FHIT: variants seen among roughly 807,000 people sequenced by gnomAD.
The protein encoded by FHIT is bis(5'-adenosyl)-triphosphatase.
A neutral mutation model predicts 17.9 loss-of-function variants in FHIT; 19 were observed. The ratio of observed to expected loss-of-function variants is 1.06; its 90% confidence interval spans 0.74 to 1.56. The LOEUF is 1.56. Ranked by LOEUF, FHIT falls within the 40% of genes most tolerant of loss-of-function variation. The pLI is 0.00. For synonymous variants in FHIT, 81 were observed against 69.7 expected, an observed-to-expected ratio of 1.16 and a Z score of -0.81; for missense variants, 248 against 189.2, an observed-to-expected ratio of 1.31 and a Z score of -1.82.
intron 8 of FHIT, among the ~76,000 whole-genome samples, chr3:59,807,615 TTCC>T (rs1361808309): frequency 6.6e-6 from 1 of 152,148 alleles, no homozygotes; most frequent in African/African-American, 2.4e-5. Context: ...GCTGTCCATA[TTCC>T]TCGGCAGCAG....
At chr3:61,141,866 T>C (rs1012582824) in intron 2 of FHIT, among the ~76,000 whole-genome samples, 2 of 151,606 alleles carry the variant, frequency 1.3e-5, no homozygotes. Context: ...TACTCAGGGC[T>C]TCTTTCTTTG....
At chr3:60,486,700 T>A (rs982702999) in intron 5 of FHIT, among the ~76,000 whole-genome samples, 2 of 152,194 alleles carry the variant, frequency 1.3e-5, no homozygotes, top group Non-Finnish European at 2.9e-5. Flanking sequence ...GTACTTTTGA[T>A]GAACAAAGCC....
At chr3:60,976,434 G>T (rs1427240018) in intron 3 of FHIT, among the ~76,000 whole-genome samples, 3 of 151,852 alleles carry the variant, frequency 2.0e-5, no homozygotes, top group Non-Finnish European at 4.4e-5. Context: ...ACAACCCAAT[G>T]CAAGCTCACC....
intron 5 of FHIT, among the ~76,000 whole-genome samples, chr3:60,467,126 C>T (rs962035694): frequency 6.6e-6 from 1 of 151,896 alleles, no homozygotes; most frequent in African/African-American, 2.4e-5. Context: ...ATATCCATTT[C>T]TTCTAGGTTT....
At chr3:60,729,042 T>A (rs1471163346) in intron 4 of FHIT, among the ~76,000 whole-genome samples, 8 of 152,102 alleles carry the variant, frequency 5.3e-5, no homozygotes, top group African/African-American at 1.9e-4. Flanking sequence ...AATTCACATA[T>A]GCCAAAAAAG....
At chr3:60,655,467 T>C (rs377017271) in intron 4 of FHIT, among the ~76,000 whole-genome samples, 4 of 152,122 alleles carry the variant, frequency 2.6e-5, no homozygotes, top group African/African-American at 9.7e-5. Context: ...AAAGTATAAC[T>C]GGATTTATTT....
chr3:60,873,139 G>C lies in FHIT; in HGVS notation c.-110-51128C>G, dbSNP rs1315545968. 2.6e-4 allele frequency among the ~76,000 whole-genome samples: 22 copies of C among 83,594 alleles called. No individual in the cohort carries two copies. The East Asian group carries it at 4.8e-3, about 18-fold the overall frequency. The allele number at this position is 83,594 out of a possible 152,430, so 54.8% of individuals were successfully genotyped here. A position where few individuals can be genotyped will look rare whatever the true frequency, so the allele number is the denominator to read the frequency against. On this transcript the variant is annotated intron_variant, in intron 3 of 9. Transcript: ENST00000492590. ...AACAAGGCAGGGAGAGAGGGAGAGG[G>C]AGAGAGAGAGAGAGAGAGAGAGTGA...
chr3:60,257,311 A>T (rs1380411135), intron 5 of FHIT, among the ~76,000 whole-genome samples: 1 of 152,216 alleles, frequency 6.6e-6, no homozygotes, highest in Admixed American at 6.5e-5. Context: ...ACCAGTTGCC[A>T]AATGAATTAA....
intron 8 of FHIT, among the ~76,000 whole-genome samples, chr3:59,893,095 C>A (rs895309169): frequency 6.6e-6 from 1 of 152,214 alleles, no homozygotes; most frequent in Non-Finnish European, 1.5e-5. Flanking sequence ...ATATTATTAT[C>A]TTTATGCTGC....
At chr3:60,062,545 C>T (rs771017012) in intron 5 of FHIT, among the ~76,000 whole-genome samples, 1 of 152,126 alleles carries the variant, frequency 6.6e-6, no homozygotes, top group Non-Finnish European at 1.5e-5. Flanking sequence ...AATGGTAGGG[C>T]CTGAATTTAA....
chr3:60,574,521 TGAAAGG>T (rs2037499994), intron 4 of FHIT, among the ~76,000 whole-genome samples: 1 of 152,042 alleles, frequency 6.6e-6, no homozygotes, highest in African/African-American at 2.4e-5. Flanking sequence ...CAGCCCCAAC[TGAAAGG>T]GATATATTGT....
At chr3:60,313,726 T>C (rs535947751) in intron 5 of FHIT, among the ~76,000 whole-genome samples, 233 of 33,482 alleles carry the variant, frequency 7.0e-3, no homozygotes, top group African/African-American at 0.027. Flanking sequence ...AGCAAAAGCA[T>C]AGCATTTTGC....
Position 60,847,688 on chromosome 3 carries a change from G to A in FHIT, c.-110-25677C>T, listed in dbSNP as rs535525996. On this transcript the variant is annotated intron_variant, in intron 3 of 9. Transcript: ENST00000492590. ...AATTCAGAAACTGGAATCCTTTTCC[G>A]TCCCTTCTCCTTTCCTTCCTCCCTT... Among the ~76,000 whole-genome samples, 8 of 152,132 alleles carry A rather than the reference G, an allele frequency of 5.3e-5. No homozygotes were observed. In the East Asian group the frequency reaches 7.8e-4, roughly 15 times the overall value.
intron 3 of FHIT, among the ~76,000 whole-genome samples, chr3:60,879,624 G>T (rs2107118852): frequency 6.6e-6 from 1 of 151,934 alleles, no homozygotes; most frequent in Non-Finnish European, 1.5e-5. Context: ...GTACTCTTAA[G>T]AAACTCAACA....
At chr3:60,837,142 A>C (rs895088295) in intron 3 of FHIT, among the ~76,000 whole-genome samples, 2 of 152,100 alleles carry the variant, frequency 1.3e-5, no homozygotes, top group Admixed American at 6.6e-5. Flanking sequence ...AACTTCTAAG[A>C]AGGCACAGTA....
intron 3 of FHIT, among the ~76,000 whole-genome samples, chr3:60,933,679 A>G (rs1463329959): frequency 6.6e-6 from 1 of 152,154 alleles, no homozygotes; most frequent in Non-Finnish European, 1.5e-5. Context: ...AGAAAAACAA[A>G]TTATTTTTAA....
chr3:61,200,193 T>G (rs548840109), intron 2 of FHIT, among the ~76,000 whole-genome samples: 1 of 152,326 alleles, frequency 6.6e-6, no homozygotes, highest in East Asian at 1.9e-4. Flanking sequence ...ACTGCACAAC[T>G]GACTTTCACA....
intron 4 of FHIT, among the ~76,000 whole-genome samples, chr3:60,760,231 T>C (rs995588869): frequency 2.0e-5 from 3 of 152,150 alleles, no homozygotes; most frequent in Admixed American, 6.6e-5. Flanking sequence ...CCAAGTGTTT[T>C]TGTAGGCATG....
At chr3:60,188,068 C>T (rs1272448664) in intron 5 of FHIT, among the ~76,000 whole-genome samples, 1 of 152,088 alleles carries the variant, frequency 6.6e-6, no homozygotes, top group Non-Finnish European at 1.5e-5. Flanking sequence ...ATTCCAAGCA[C>T]ATTTTCCATA....
Sources: gnomAD v4.1 joint callset for allele counts (sites outside exome capture counted in the v4.1 genomes callset) on GRCh38, gnomAD v4.1.1 for gene constraint, MANE v1.5 for transcripts, NCBI Gene and HGNC (gene_info 2026-07-23, HGNC 2026-07-21) for gene names.